CTTNBP2NL: variants seen among roughly 807,000 people sequenced by gnomAD.
CTTNBP2NL encodes the protein CTTNBP2 N-terminal-like protein.
In CTTNBP2NL, 16 loss-of-function variants were observed where a neutral mutation model predicts 32.5. The observed-to-expected ratio is 0.49, with a 90% confidence interval of 0.33 to 0.75. The LOEUF is 0.75. Among genes scored for constraint, CTTNBP2NL ranks in the 30% least tolerant of loss-of-function variants. The probability of loss-of-function intolerance (pLI) is 0.02; values close to 1 mark genes in which losing one functional copy is unlikely to be tolerated. For synonymous variants in CTTNBP2NL, 298 were observed against 289.4 expected (o/e 1.03, Z -0.30); for missense variants, 645 against 756.0 (o/e 0.85, Z 1.72).
intron 5 of CTTNBP2NL, 143 bp downstream of exon 5, chr1:112,454,699 T>TA: frequency 1.5e-6 from 1 of 668,264 alleles, no homozygotes; most frequent in Non-Finnish European, 2.7e-6. Flanking sequence ...TAAGCAAAGT[T>TA]AAACAGGTTT....
At chr1:112,439,840 G>T (rs1415705486) in intron 3 of CTTNBP2NL, among the ~76,000 whole-genome samples, 1 of 152,086 alleles carries the variant, frequency 6.6e-6, no homozygotes, top group Non-Finnish European at 1.5e-5. Context: ...CCACTTCCAG[G>T]GTTGGCCTTT....
At chr1:112,428,387 A>T (rs1649465374) in intron 3 of CTTNBP2NL, among the ~76,000 whole-genome samples, 1 of 152,202 alleles carries the variant, frequency 6.6e-6, no homozygotes, top group Non-Finnish European at 1.5e-5. Context: ...AAAATAAATT[A>T]GAGCTAATCA....
chr1:112,423,041 G>A (rs539978556), intron 3 of CTTNBP2NL, among the ~76,000 whole-genome samples: 7 of 152,258 alleles, frequency 4.6e-5, no homozygotes, highest in African/African-American at 1.2e-4. Context: ...CGATCTTCCC[G>A]CCTTGGCTTC....
chr1:112,400,017 C>T (rs1033103810), intron 1 of CTTNBP2NL, among the ~76,000 whole-genome samples: 2 of 151,840 alleles, frequency 1.3e-5, no homozygotes, highest in East Asian at 1.9e-4. Context: ...TGCAGTGAGC[C>T]GAGATCACGC....
At chr1:112,431,825 A>G (rs577311682) in intron 3 of CTTNBP2NL, among the ~76,000 whole-genome samples, 67 of 152,148 alleles carry the variant, frequency 4.4e-4, no homozygotes, top group Non-Finnish European at 6.0e-4. Flanking sequence ...CACAGACACC[A>G]CACACATGCA....
At position 112,460,203 on chromosome 1, in the gene CTTNBP2NL, C is replaced by G. The variant is rs570574735; in HGVS notation, c.*2791C>G. 3.9e-5 allele frequency: 6 copies of G among 152,274 alleles called. No homozygotes were observed. The South Asian group carries it at 1.2e-3, about 32-fold the overall frequency. 9.4% of individuals were successfully genotyped at this position (152,274 alleles called of 1,614,324 possible). A position where few individuals can be genotyped will look rare whatever the true frequency, so the allele number is the denominator to read the frequency against. On this transcript the variant is annotated 3_prime_UTR_variant, in exon 6 of 6. Coordinates refer to ENST00000271277, the MANE Select transcript of CTTNBP2NL (RefSeq NM_018704.3). Reference sequence around the variant, plus strand: ...CATGCAGAAGTCTTCATTTTTATAGCAGACTGCATTAAAACAAGTTAAATC... The same window carrying G: ...CATGCAGAAGTCTTCATTTTTATAGGAGACTGCATTAAAACAAGTTAAATC...
chr1:112,424,278 T>C (rs1649323337), intron 3 of CTTNBP2NL, among the ~76,000 whole-genome samples: 1 of 152,188 alleles, frequency 6.6e-6, no homozygotes. Flanking sequence ...CACCAATTGT[T>C]GAGATTATCC....
In CTTNBP2NL at chr1:112,457,216, A is replaced by T. The variant is rs1481873465; in HGVS notation, c.1724A>T (p.Glu575Val). Residue 575 changes from glutamate (E) to valine (V), a missense_variant, in exon 6 of 6, where the codon GAG (glutamate) becomes GTG (valine). Coordinates refer to ENST00000271277, the MANE Select transcript of CTTNBP2NL (RefSeq NM_018704.3). ...AAGTCCCCAACCATCCCCAGAGCTG[A>T]GAGAGGAAACCCTCCACCCATCCCA... The part of the protein sequence containing the change: ...GIKSPTIPRA[E>V]RGNPPPIPPK... The T allele has an allele frequency of 6.2e-7, 1 of 1,614,126 alleles. No individual in the cohort carries two copies. Among genetic ancestry groups the T allele is most frequent in the Non-Finnish European group, 8.5e-7 (1 of 1,180,012 alleles).
chr1:112,439,811 T>A (rs1471905959), intron 3 of CTTNBP2NL, among the ~76,000 whole-genome samples: 3 of 152,216 alleles, frequency 2.0e-5, no homozygotes, highest in African/African-American at 4.8e-5. Context: ...GATTGCTCCA[T>A]TTATCTGCCA....
At chr1:112,428,376 G>A (rs1014498006) in intron 3 of CTTNBP2NL, among the ~76,000 whole-genome samples, 4 of 151,998 alleles carry the variant, frequency 2.6e-5, no homozygotes, top group African/African-American at 9.7e-5. Flanking sequence ...CACTTTGTAG[G>A]AAAATAAATT....
intron 1 of CTTNBP2NL, among the ~76,000 whole-genome samples, chr1:112,405,672 A>G (rs552030784): frequency 6.6e-6 from 1 of 152,348 alleles, no homozygotes; most frequent in Non-Finnish European, 1.5e-5. Context: ...GTTTATGGGC[A>G]TAAGGCTACT....
At chr1:112,442,033 G>A (rs1649904582) in intron 3 of CTTNBP2NL, among the ~76,000 whole-genome samples, 1 of 152,232 alleles carries the variant, frequency 6.6e-6, no homozygotes, top group African/African-American at 2.4e-5. Context: ...GGCTGTGCCT[G>A]TGTGGGGCAG....
At chr1:112,411,998 A>G (rs982246974) in intron 1 of CTTNBP2NL, among the ~76,000 whole-genome samples, 196 bp from the exon 2 acceptor site, 4 of 152,202 alleles carry the variant, frequency 2.6e-5, no homozygotes, top group African/African-American at 9.6e-5. Flanking sequence ...TTTTAGTTGC[A>G]AAAGGGAAGT....
intron 2 of CTTNBP2NL, chr1:112,414,967 C>T (rs1315380146): frequency 6.6e-6 from 1 of 152,182 alleles, no homozygotes; most frequent in African/African-American, 2.4e-5. Flanking sequence ...GTGGGAGGAT[C>T]ACTTGAGCCC....
chr1:112,452,645 C>CTTTTTTTTTTTTCTTT, intron 4 of CTTNBP2NL, among the ~76,000 whole-genome samples: 1 of 133,098 alleles, frequency 7.5e-6, no homozygotes, highest in African/African-American at 3.1e-5. Flanking sequence ...CTCCTGGCCT[C>CTTTTTTTTTTTTCTTT]TTTTTTTTTT....
intron 1 of CTTNBP2NL, among the ~76,000 whole-genome samples, chr1:112,407,840 CTTTTTTTTTTTT>C (rs869134559): frequency 9.4e-5 from 9 of 96,072 alleles, no homozygotes; most frequent in African/African-American, 3.2e-4. Flanking sequence ...TTTTTTCTTT[CTTTTTTTTTTTT>C]TTTTTTTTTT....
chr1:112,418,214 G>GGATATGTTGTAAAGTTCC (rs930328444), intron 3 of CTTNBP2NL, among the ~76,000 whole-genome samples: 2 of 152,072 alleles, frequency 1.3e-5, no homozygotes, highest in African/African-American at 4.8e-5. Flanking sequence ...GTTTCTTTCA[G>GGATATGTTGTAAAGTTCC]GATATGTTGT....
intron 3 of CTTNBP2NL, among the ~76,000 whole-genome samples, chr1:112,433,905 C>CTT (rs761769737): frequency 7.2e-6 from 1 of 139,610 alleles, no homozygotes. Context: ...TCCTTTGTGG[C>CTT]TTTTTTTTTT....
At chr1:112,411,306 A>T (rs1332563476) in intron 1 of CTTNBP2NL, among the ~76,000 whole-genome samples, 1 of 152,248 alleles carries the variant, frequency 6.6e-6, no homozygotes. Context: ...GCCTTAAAAT[A>T]AAAGGCAAAG....
Sources: allele counts gnomAD v4.1 joint callset (sites outside exome capture counted in the v4.1 genomes callset), GRCh38; gene constraint gnomAD v4.1.1; transcripts MANE v1.5; gene names NCBI Gene and HGNC (gene_info 2026-07-23, HGNC 2026-07-21).